SMCO2: variants seen among roughly 807,000 people sequenced by gnomAD.
SMCO2 encodes the protein single-pass membrane and coiled-coil domain-containing protein 2.
SMCO2 carries 25 observed loss-of-function variants against 29.5 expected under a neutral mutation model. The ratio of observed to expected loss-of-function variants is 0.85; its 90% CI spans 0.62 to 1.18. SMCO2 has a LOEUF of 1.18. SMCO2 is among the 50% of genes most tolerant of loss of function. The pLI, the probability that SMCO2 is intolerant of heterozygous loss-of-function variation, is 0.00. For missense variants in SMCO2, 348 were observed against 344.5 expected (o/e 1.01, Z -0.08); for synonymous variants, 117 against 123.3 (o/e 0.95, Z 0.34).
chr12:27,485,606 A>G (rs2616342), intron 4 of SMCO2, among the ~76,000 whole-genome samples: 18,507 of 151,426 alleles, frequency 0.12, 2,147 homozygotes, highest in African/African-American at 0.29. Context: ...CCCATACCTG[A>G]TTAATTTTTT....
At chr12:27,443,160 T>C in the SMCO2 span, among the ~76,000 whole-genome samples, 1 of 152,204 alleles carries the variant, frequency 6.6e-6, no homozygotes, top group Non-Finnish European at 1.5e-5. Flanking sequence ...AAAAAGATCA[T>C]TCACCATGAT....
the SMCO2 span, among the ~76,000 whole-genome samples, chr12:27,427,719 A>G: frequency 1.3e-5 from 2 of 152,222 alleles, no homozygotes; most frequent in South Asian, 4.2e-4. Flanking sequence ...GACTCCCTAG[A>G]ATTGGTGTAG....
At chr12:27,452,565 C>G in the SMCO2 span, among the ~76,000 whole-genome samples, 2,151 of 152,296 alleles carry the variant, frequency 0.014, 52 homozygotes, top group African/African-American at 0.048. Context: ...TCATGGCTTA[C>G]TGCAGCCTTG....
chr12:27,425,239 TACTC>T, the SMCO2 span: 1 of 152,172 alleles, frequency 6.6e-6, no homozygotes, highest in Admixed American at 6.5e-5. Flanking sequence ...ATTTTATAAT[TACTC>T]ATTTGTAGTT....
At chr12:27,451,661 G>A in the SMCO2 span, among the ~76,000 whole-genome samples, 1 of 152,186 alleles carries the variant, frequency 6.6e-6, no homozygotes, top group Admixed American at 6.5e-5. Flanking sequence ...ATGAATATGT[G>A]CATTGTGTGA....
chr12:27,427,706 G>T, the SMCO2 span, among the ~76,000 whole-genome samples: 2 of 152,142 alleles, frequency 1.3e-5, no homozygotes, highest in African/African-American at 2.4e-5. Flanking sequence ...ATTCATGATG[G>T]TTGACTCCCT....
At chr12:27,471,115 A>G (rs1395283472) in intron 2 of SMCO2, among the ~76,000 whole-genome samples, 1 of 152,192 alleles carries the variant, frequency 6.6e-6, no homozygotes, top group Non-Finnish European at 1.5e-5. Flanking sequence ...TGGTATAAAC[A>G]CATATATACA....
At chr12:27,484,015 C>T (rs1949666821) in intron 4 of SMCO2, among the ~76,000 whole-genome samples, 2 of 148,510 alleles carry the variant, frequency 1.3e-5, no homozygotes, top group South Asian at 2.2e-4. Context: ...CACATATTTA[C>T]TATTACCAGT....
chr12:27,424,962 A>G, the SMCO2 span: 2 of 152,212 alleles, frequency 1.3e-5, no homozygotes, highest in Non-Finnish European at 2.9e-5. Context: ...AGGGAGGTCT[A>G]GGAAGATCCT....
At chr12:27,430,886 C>T in the SMCO2 span, among the ~76,000 whole-genome samples, 5 of 151,958 alleles carry the variant, frequency 3.3e-5, no homozygotes, top group Non-Finnish European at 5.9e-5. Flanking sequence ...CCGAGCAGCT[C>T]GATGCATGCT....
Position 27,495,853 on chromosome 12 carries a change from A to AT in SMCO2, c.682dup (p.Trp228LeufsTer12). 1 of 1,486,922 alleles carries AT rather than the reference A, an allele frequency of 6.7e-7. No homozygotes were observed. The allele number at this position is 1,486,922 out of a possible 1,614,324, so 92.1% of individuals were successfully genotyped here. On this transcript the variant is annotated frameshift_variant and splice_region_variant, in exon 7 of 8. Transcript: ENST00000298876. LOFTEE classifies it low-confidence loss of function (END_TRUNC). ...AGAAGTCTCCTCCCCGCAATACAGC[A>AT]TGGTAAGTCAGAGCAAGAGGCCATT...
upstream of SMCO2, among the ~76,000 whole-genome samples, chr12:27,465,916 G>C (rs982375582): frequency 6.6e-6 from 1 of 152,220 alleles, no homozygotes; most frequent in South Asian, 2.1e-4. Flanking sequence ...AGTGTCTTAA[G>C]AGCAGGGGCT....
chr12:27,482,009 CTT>C (rs3051857), intron 4 of SMCO2, among the ~76,000 whole-genome samples: 1 of 142,818 alleles, frequency 7.0e-6, no homozygotes, highest in Non-Finnish European at 1.5e-5. Flanking sequence ...TTTGATTCTG[CTT>C]TTTTTTTTTA....
chr12:27,436,522 G>A, the SMCO2 span, among the ~76,000 whole-genome samples: 4 of 152,160 alleles, frequency 2.6e-5, no homozygotes, highest in South Asian at 8.3e-4. Flanking sequence ...GAGGAGAGGG[G>A]TAGAAAAGAA....
the SMCO2 span, among the ~76,000 whole-genome samples, chr12:27,429,952 C>T: frequency 6.6e-6 from 1 of 152,208 alleles, no homozygotes; most frequent in Non-Finnish European, 1.5e-5. Flanking sequence ...CAAATAAACA[C>T]ACACCTCAGT....
At chr12:27,497,162 G>C (rs1943016981) in intron 7 of SMCO2, 1 of 155,080 alleles carries the variant, frequency 6.4e-6, no homozygotes, top group Non-Finnish European at 1.5e-5. Context: ...TAAGAGGTTT[G>C]ATACTGAGGA....
At chr12:27,448,377 T>C in the SMCO2 span, among the ~76,000 whole-genome samples, 1 of 152,178 alleles carries the variant, frequency 6.6e-6, no homozygotes, top group East Asian at 1.9e-4. Context: ...CGGCAAGTCT[T>C]TACTGAGTTT....
chr12:27,447,277 A>G, the SMCO2 span, among the ~76,000 whole-genome samples: 1 of 152,080 alleles, frequency 6.6e-6, no homozygotes, highest in Admixed American at 6.5e-5. Context: ...TGGGGAAACC[A>G]CAGTTCCCTG....
the SMCO2 span, among the ~76,000 whole-genome samples, chr12:27,425,859 C>T: frequency 1.3e-5 from 2 of 152,174 alleles, no homozygotes; most frequent in Non-Finnish European, 2.9e-5. Flanking sequence ...CTCCCTCAGG[C>T]CCCAGGCTGT....
Sources: allele counts gnomAD v4.1 joint callset (sites outside exome capture counted in the v4.1 genomes callset), GRCh38; gene constraint gnomAD v4.1.1; transcripts MANE v1.5; gene names NCBI Gene and HGNC (gene_info 2026-07-23, HGNC 2026-07-21).